FAM149A: variants seen among roughly 807,000 people sequenced by gnomAD.
FAM149A encodes family with sequence similarity 149 member A.
FAM149A carries 71 observed loss-of-function variants against 78.2 expected under a neutral mutation model. The observed-to-expected ratio is 0.91, with a 90% confidence interval of 0.75 to 1.11. FAM149A has a LOEUF of 1.11. FAM149A is among the 50% of genes least tolerant of loss of function. The probability of loss-of-function intolerance (pLI) is 0.00; values close to 1 mark genes in which losing one functional copy is unlikely to be tolerated. For missense variants in FAM149A, 1,036 were observed against 971.0 expected (o/e 1.07, Z -0.89); for synonymous variants, 446 against 410.5 (o/e 1.09, Z -1.04).
At position 186,165,472 on chromosome 4, in the gene FAM149A, A is replaced by T. The variant is rs748830228; in HGVS notation, c.2010+8A>T. 2.1e-5 allele frequency: 34 copies of T among 1,613,950 alleles called. No homozygotes were observed. In the African/African-American group the frequency reaches 4.5e-4, roughly 22 times the overall value. Reference sequence around the variant, plus strand: ...GGATGCCGCCTTGTTTCTGTAAGACAGATTTCATTCTATTTCAGTGGACCA... The same window carrying T: ...GGATGCCGCCTTGTTTCTGTAAGACTGATTTCATTCTATTTCAGTGGACCA... On this transcript the variant is annotated splice_region_variant and intron_variant, in intron 11 of 13. Transcript: ENST00000389354.
At chr4:186,160,703 T>C (rs1399176952) in intron 8 of FAM149A, 1 of 666,050 alleles carries the variant, frequency 1.5e-6, no homozygotes, top group Non-Finnish European at 1.8e-6. Context: ...CCACACACAC[T>C]ACCACACACC....
intron 8 of FAM149A, among the ~76,000 whole-genome samples, chr4:186,159,418 C>T (rs766812599): frequency 4.0e-5 from 6 of 151,748 alleles, no homozygotes; most frequent in East Asian, 1.9e-4. Context: ...CAAGCAAAGG[C>T]GTGGATGAGT....
intron 1 of FAM149A, among the ~76,000 whole-genome samples, chr4:186,123,599 C>T (rs1020872489): frequency 4.6e-5 from 7 of 152,198 alleles, no homozygotes; most frequent in Admixed American, 3.3e-4. Flanking sequence ...TTTTGTGACA[C>T]GACCCACTGC....
At position 186,171,150 on chromosome 4, in the gene FAM149A, T is replaced by G. The variant is rs147303647; in HGVS notation, c.2219-764T>G. ...CTCCGTGCACCCTGCGGTGCTGCCTTCCTTCAGTGACGCCCACGCTCCTGC... is the reference window on the plus strand; with the variant it reads ...CTCCGTGCACCCTGCGGTGCTGCCTGCCTTCAGTGACGCCCACGCTCCTGC... On this transcript the variant is annotated intron_variant, in intron 13 of 13. Coordinates refer to ENST00000389354, the MANE Select transcript of FAM149A (RefSeq NM_001367768.3). 1,075 of 152,626 alleles carry G rather than the reference T, an allele frequency of 7.0e-3. 6 individuals carry two copies. Among genetic ancestry groups the G allele is most frequent in the Middle Eastern group, 0.014 (4 of 294 alleles). 9.5% of individuals were successfully genotyped at this position (152,626 alleles called of 1,614,324 possible).
intron 13 of FAM149A, among the ~76,000 whole-genome samples, chr4:186,167,922 G>C (rs555304572): frequency 6.6e-5 from 10 of 151,902 alleles, no homozygotes; most frequent in South Asian, 6.2e-4. Flanking sequence ...TAACAAGCAG[G>C]GTACATAAAA....
chr4:186,126,706 C>T (rs1234690142), intron 1 of FAM149A, among the ~76,000 whole-genome samples: 1 of 152,156 alleles, frequency 6.6e-6, no homozygotes, highest in Non-Finnish European at 1.5e-5. Flanking sequence ...CAGATCTTCA[C>T]ACTCGGGCTG....
chr4:186,157,360 G>A (rs574146571), intron 7 of FAM149A, among the ~76,000 whole-genome samples: 1 of 152,198 alleles, frequency 6.6e-6, no homozygotes, highest in Non-Finnish European at 1.5e-5. Context: ...CCCACTGTGT[G>A]ATCTGCTTCT....
At chr4:186,136,933 TTG>T (rs1491008888) in intron 1 of FAM149A, among the ~76,000 whole-genome samples, 9 of 140,240 alleles carry the variant, frequency 6.4e-5, no homozygotes, top group African/African-American at 1.6e-4. Flanking sequence ...AATACACTGA[TTG>T]ATCTCTCTCT....
At chr4:186,169,780 A>T in intron 13 of FAM149A, 1 of 985,456 alleles carries the variant, frequency 1.0e-6, no homozygotes, top group Non-Finnish European at 1.2e-6. Flanking sequence ...GTGCAATCAC[A>T]TATGGCCACT....
intron 1 of FAM149A, chr4:186,116,516 A>G (rs1444972937): frequency 8.1e-6 from 8 of 985,236 alleles, no homozygotes; most frequent in Non-Finnish European, 8.4e-6. Context: ...ATTTGCTTAT[A>G]CCCGAGAAAA....
chr4:186,165,709 G>T (rs1471240506), intron 11 of FAM149A, among the ~76,000 whole-genome samples: 1 of 152,156 alleles, frequency 6.6e-6, no homozygotes, highest in Non-Finnish European at 1.5e-5. Context: ...GAAATTCCAG[G>T]TGTCAAGGAA....
At position 186,112,293 on chromosome 4, in the gene FAM149A, T is replaced by G. The variant is rs564807616; in HGVS notation, c.566+6651T>G. Among the ~76,000 whole-genome samples the G allele has an allele frequency of 1.2e-3, 182 of 150,010 alleles. 2 individuals are homozygous for G. Among genetic ancestry groups the G allele is most frequent in the African/African-American group, 4.4e-3 (178 of 40,326 alleles). On this transcript the variant is annotated intron_variant, in intron 1 of 13. Coordinates refer to ENST00000389354, the MANE Select transcript of FAM149A (RefSeq NM_001367768.3). Reference sequence around the variant, plus strand: ...GTTGCTTATCAGCTTAAGGAGATTTTGGGCTGAGACAGTGGGGTTTTCTAG... The same window carrying G: ...GTTGCTTATCAGCTTAAGGAGATTTGGGGCTGAGACAGTGGGGTTTTCTAG...
chr4:186,117,258 G>A (rs1706142), intron 1 of FAM149A, among the ~76,000 whole-genome samples: 134,531 of 152,224 alleles, frequency 0.88, 59,500 homozygotes, highest in East Asian at 0.99. Flanking sequence ...GATCTGCAGT[G>A]TAGGCTAATG....
At chr4:186,167,285 A>G (rs1369284277) in intron 13 of FAM149A, 23 bp downstream of exon 13, 1 of 1,581,570 alleles carries the variant, frequency 6.3e-7, no homozygotes, top group South Asian at 1.1e-5. Context: ...CCATATGTAA[A>G]TAAAGTGATG....
chr4:186,154,044 G>A (rs1300229945), intron 5 of FAM149A, among the ~76,000 whole-genome samples: 2 of 152,180 alleles, frequency 1.3e-5, no homozygotes, highest in East Asian at 1.9e-4. Flanking sequence ...CAAAGGCGCT[G>A]TGAAAGGTGG....
chr4:186,159,246 G>A (rs73027967), intron 8 of FAM149A, among the ~76,000 whole-genome samples: 133 of 149,686 alleles, frequency 8.9e-4, no homozygotes, highest in African/African-American at 3.1e-3. Context: ...TGAGGGTCGC[G>A]CAAAAAAAAA....
intron 4 of FAM149A, among the ~76,000 whole-genome samples, chr4:186,152,646 G>A (rs562699109): frequency 7.1e-6 from 1 of 140,282 alleles, no homozygotes; most frequent in East Asian, 2.2e-4. Context: ...CTTGGTTCAC[G>A]CCATCCTCCT....
chr4:186,120,876 C>T (rs1290788715), intron 1 of FAM149A, among the ~76,000 whole-genome samples: 3 of 87,456 alleles, frequency 3.4e-5, no homozygotes, highest in East Asian at 4.1e-4. Context: ...TCTTTTGAGA[C>T]GGAGTCTCCC....
chr4:186,143,153 T>C (rs1475953575), intron 1 of FAM149A, among the ~76,000 whole-genome samples: 8 of 38,658 alleles, frequency 2.1e-4, no homozygotes, highest in African/African-American at 2.0e-3. Flanking sequence ...TTTTTACTTT[T>C]TTTTTTTTTT....
Sources: allele counts gnomAD v4.1 joint callset (sites outside exome capture counted in the v4.1 genomes callset), GRCh38; gene constraint gnomAD v4.1.1; transcripts MANE v1.5; gene names NCBI Gene and HGNC (gene_info 2026-07-23, HGNC 2026-07-21).